BRIP1: variants seen among roughly 807,000 people sequenced by gnomAD.
BRIP1 encodes Fanconi anemia group J protein.
In BRIP1, 88 loss-of-function variants were observed where a neutral mutation model predicts 119.7. That is an observed-to-expected ratio of 0.74 (90% CI 0.62 to 0.88). The LOEUF (loss-of-function observed/expected upper bound fraction) is 0.88, where lower values mean the gene tolerates loss of function less well. Among genes scored for constraint, BRIP1 ranks in the 40% least tolerant of loss-of-function variants. BRIP1 has a pLI of 0.00. For missense variants in BRIP1, 1,259 were observed against 1,455.4 expected (o/e 0.87, Z 2.20); for synonymous variants, 443 against 496.5 (o/e 0.89, Z 1.43).
In BRIP1 at chr17:61,708,512, G is replaced by A. The variant is rs1390507860; in HGVS notation, c.2492+7439C>T. 1.3e-5 allele frequency among the ~76,000 whole-genome samples: 2 copies of A among 152,204 alleles called. No homozygotes were observed. The highest frequency in any genetic ancestry group is 2.9e-5 in the Non-Finnish European group (2 of 68,044). On this transcript the variant is annotated intron_variant, in intron 17 of 19. Transcript: ENST00000259008. The surrounding 1 kb of genome is among the most constrained non-coding windows in gnomAD (Gnocchi z 4.4). ...CTTCTGTGGATAAGGAGAGACTACT[G>A]TACTGTCTGGCCCTTTATAGAAAAC...
rs2077130295 is a variant in BRIP1 at position 61,751,470 on chromosome 17, T to C, written c.2098-6879A>G. On this transcript the variant is annotated intron_variant, in intron 14 of 19. Coordinates refer to ENST00000259008, the MANE Select transcript of BRIP1 (RefSeq NM_032043.3). This position sits in a 1 kb window ranked among gnomAD's most constrained non-coding sequence, Gnocchi z 6.7. ...ACTAAGTTGTACACTTAAAAATGCTTAAAAGGTAAATTTTATGTCATGTGT... is the reference window on the plus strand; with the variant it reads ...ACTAAGTTGTACACTTAAAAATGCTCAAAAGGTAAATTTTATGTCATGTGT... Among the ~76,000 whole-genome samples, 1 of 152,152 alleles carries C rather than the reference T, an allele frequency of 6.6e-6. No individual in the cohort carries two copies. The highest frequency in any genetic ancestry group is 6.5e-5 in the Admixed American group (1 of 15,270).
rs979447670 is a variant in BRIP1 at position 61,760,280 on chromosome 17, C to A, written c.2098-15689G>T. On this transcript the variant is annotated intron_variant, in intron 14 of 19. Transcript: ENST00000259008. This position sits in a 1 kb window ranked among gnomAD's most constrained non-coding sequence, Gnocchi z 4.6. ...AAAATGGAAACACAACATACCAAAA[C>A]TTAAGGGATGCAGCAAACGTAGTCC... Among the ~76,000 whole-genome samples the A allele has an allele frequency of 6.6e-6, 1 of 151,712 alleles. No individual in the cohort carries two copies. The highest frequency in any genetic ancestry group is 1.5e-5 in the Non-Finnish European group (1 of 67,824).
At position 61,760,371 on chromosome 17, in the gene BRIP1, C is replaced by G. The variant is rs568675150; in HGVS notation, c.2098-15780G>C. Among the ~76,000 whole-genome samples, 2 of 151,818 alleles carry G rather than the reference C, an allele frequency of 1.3e-5. No homozygotes were observed. Among genetic ancestry groups the G allele is most frequent in the South Asian group, 4.1e-4 (2 of 4,820 alleles). On this transcript the variant is annotated intron_variant, in intron 14 of 19. Transcript: ENST00000259008. The surrounding 1 kb of genome is among the most constrained non-coding windows in gnomAD (Gnocchi z 4.6). ...AGAAGATCCCAAATAAATAACATTACTCCTCAAGGATCTAGAAAAAGAAGA... is the reference window on the plus strand; with the variant it reads ...AGAAGATCCCAAATAAATAACATTAGTCCTCAAGGATCTAGAAAAAGAAGA...
intron 16 of BRIP1, among the ~76,000 whole-genome samples, chr17:61,731,100 GA>G (rs971774526): frequency 2.0e-5 from 3 of 150,876 alleles, no homozygotes; most frequent in Admixed American, 2.0e-4. Flanking sequence ...AAAAGCTGGG[GA>G]AAAAAATACT....
chr17:61,804,954 CTGTGTGTGTGTGTGTGTGTG>C lies in BRIP1; in HGVS notation c.918+3493_919-3481del, dbSNP rs59414906. Among the ~76,000 whole-genome samples the C allele has an allele frequency of 7.2e-5, 10 of 139,150 alleles. No homozygotes were observed. Among genetic ancestry groups the C allele is most frequent in the Admixed American group, 2.2e-4 (3 of 13,840 alleles). 91.3% of individuals were successfully genotyped at this position (139,150 alleles called of 152,430 possible). On this transcript the variant is annotated intron_variant, in intron 7 of 19. Coordinates refer to ENST00000259008, the MANE Select transcript of BRIP1 (RefSeq NM_032043.3). The surrounding 1 kb of genome is among the most constrained non-coding windows in gnomAD (Gnocchi z 4.5). ...GGCAGGATGAAATGTCTCTCTCTTT[CTGTGTGTGTGTGTGTGTGTG>C]TGTGTGTGTGTGTGTGTGTGTGTGT...
intron 17 of BRIP1, among the ~76,000 whole-genome samples, chr17:61,697,812 AT>A (rs377661269): frequency 3.1e-3 from 440 of 142,440 alleles, no homozygotes; most frequent in African/African-American, 5.6e-3. Flanking sequence ...TGTTTACAGT[AT>A]TTTTTTTTTT....
chr17:61,797,336 T>A (rs796342264), intron 9 of BRIP1, among the ~76,000 whole-genome samples: 31 of 151,614 alleles, frequency 2.0e-4, no homozygotes, highest in African/African-American at 7.3e-4. Context: ...AGGAGGAAAA[T>A]CAGAGATGTC....
rs73332544 is a variant in BRIP1, at chr17:61,847,785, C to T, written c.508-565G>A. Among the ~76,000 whole-genome samples, 434 of 152,230 alleles carry T rather than the reference C, an allele frequency of 2.9e-3. 3 individuals are homozygous for T. The highest frequency in any genetic ancestry group is 9.9e-3 in the African/African-American group (413 of 41,538). On this transcript the variant is annotated intron_variant, in intron 5 of 19. Transcript: ENST00000259008. ...CTTTCCAAACTGTATCCATGCTTTT[C>T]CTATTTGTGAAAAATCTATTCACTA...
chr17:61,738,238 T>C lies in BRIP1; in HGVS notation c.2379+4775A>G, dbSNP rs892386529. Among the ~76,000 whole-genome samples, 2 of 152,184 alleles carry C rather than the reference T, an allele frequency of 1.3e-5. No homozygotes were observed. The highest frequency in any genetic ancestry group is 4.8e-5 in the African/African-American group (2 of 41,454). On this transcript the variant is annotated intron_variant, in intron 16 of 19. Transcript: ENST00000259008. This position sits in a 1 kb window ranked among gnomAD's most constrained non-coding sequence, Gnocchi z 4.2. Reference sequence around the variant, plus strand: ...GAGATGTATGACCTGTAATAAATGATTGCTGTTTTAAGTCACTAAGTTTTG... The same window carrying C: ...GAGATGTATGACCTGTAATAAATGACTGCTGTTTTAAGTCACTAAGTTTTG...
In BRIP1 at chr17:61,799,091, T is replaced by C. The variant is rs376487588; in HGVS notation, c.1340+9A>G. 1.2e-6 allele frequency: 2 copies of C among 1,607,270 alleles called. No individual in the cohort carries two copies. Among genetic ancestry groups the C allele is most frequent in the Non-Finnish European group, 1.7e-6 (2 of 1,174,100 alleles). On this transcript the variant is annotated intron_variant, in intron 9 of 19. Coordinates refer to ENST00000259008, the MANE Select transcript of BRIP1 (RefSeq NM_032043.3). This position sits in a 1 kb window ranked among gnomAD's most constrained non-coding sequence, Gnocchi z 5.1. ...CAGCACAAATACACTAATAGACAAA[T>C]CTTCTTACTTAATGAGGCTACAGCA...
intron 6 of BRIP1, among the ~76,000 whole-genome samples, chr17:61,811,546 C>T (rs975168546): frequency 2.0e-5 from 3 of 151,786 alleles, no homozygotes; most frequent in Non-Finnish European, 4.4e-5. Flanking sequence ...TCAATAGGTA[C>T]TTAGGCAAGT....
In BRIP1 at chr17:61,835,766, G is replaced by A. The variant is rs963483728; in HGVS notation, c.627+11335C>T. ...AAGTACATATAACAATTTAGTACAT[G>A]ATAACAGCAAAACTTCAAAACTGGA... On this transcript the variant is annotated intron_variant, in intron 6 of 19. Coordinates refer to ENST00000259008, the MANE Select transcript of BRIP1 (RefSeq NM_032043.3). Among the ~76,000 whole-genome samples the A allele has an allele frequency of 1.1e-4, 17 of 151,874 alleles. 1 individual carries two copies. The highest frequency in any genetic ancestry group is 4.1e-4 in the African/African-American group (17 of 41,400).
rs1464430526 is a variant in BRIP1, at chr17:61,689,618, A to G, written c.2576-3453T>C. Among the ~76,000 whole-genome samples the G allele has an allele frequency of 6.6e-6, 1 of 152,204 alleles. No homozygotes were observed. The highest frequency in any genetic ancestry group is 1.5e-5 in the Non-Finnish European group (1 of 68,036). On this transcript the variant is annotated intron_variant, in intron 18 of 19. Coordinates refer to ENST00000259008, the MANE Select transcript of BRIP1 (RefSeq NM_032043.3). The surrounding 1 kb of genome is among the most constrained non-coding windows in gnomAD (Gnocchi z 4.5). ...AGGATGAACCCAAAAGTCTGTACCA[A>G]AACACTTTATAATCAAAGTGTCAAA...
rs1603276502 is a variant in BRIP1 at position 61,685,834 on chromosome 17, A to T, written c.2905+2T>A. On this transcript the variant is annotated splice_donor_variant, in intron 19 of 19. Transcript: ENST00000259008. LOFTEE classifies it high-confidence loss of function. ...AAGGTAAATGGGAAGAACTTTTCAT[A>T]CTTTTCTCCTTTCTGGAGATAATGC... 6.2e-7 allele frequency: 1 copy of T among 1,603,278 alleles called. No homozygotes were observed. Among genetic ancestry groups the T allele is most frequent in the Non-Finnish European group, 8.5e-7 (1 of 1,171,430 alleles).
chr17:61,730,683 T>A lies in BRIP1; in HGVS notation c.2379+12330A>T, dbSNP rs1417984388. On this transcript the variant is annotated intron_variant, in intron 16 of 19. Coordinates refer to ENST00000259008, the MANE Select transcript of BRIP1 (RefSeq NM_032043.3). The surrounding 1 kb of genome is among the most constrained non-coding windows in gnomAD (Gnocchi z 4.3). Reference sequence around the variant, plus strand: ...TTATCCAGAGAAACTTCCAGCAATATTTTCAGGCATGGCTTTATGTATTTA... The same window carrying A: ...TTATCCAGAGAAACTTCCAGCAATAATTTCAGGCATGGCTTTATGTATTTA... Among the ~76,000 whole-genome samples the A allele has an allele frequency of 6.6e-6, 1 of 152,182 alleles. No individual in the cohort carries two copies. Among genetic ancestry groups the A allele is most frequent in the Non-Finnish European group, 1.5e-5 (1 of 68,028 alleles).
In BRIP1 at chr17:61,810,093, A is replaced by G. The variant is rs2078139289; in HGVS notation, c.628-1336T>C. On this transcript the variant is annotated intron_variant, in intron 6 of 19. Transcript: ENST00000259008. This position sits in a 1 kb window ranked among gnomAD's most constrained non-coding sequence, Gnocchi z 4.7. ...AAATAAACAGTCAGTCAAAGCAGAT[A>G]AAGTTACAGCCATGCTGGAATTGTT... Among the ~76,000 whole-genome samples the G allele has an allele frequency of 6.6e-6, 1 of 152,252 alleles. No homozygotes were observed. The highest frequency in any genetic ancestry group is 2.4e-5 in the African/African-American group (1 of 41,478).
rs1181487727 is a variant in BRIP1, at chr17:61,693,170, A to C, written c.2575+260T>G. The stretch of plus-strand genomic sequence containing the variant: ...TGAGGTATCCAAAACAGTCAAACTA[A>C]TAGAAGCAGAAAGTATAGCGGTGGT... On this transcript the variant is annotated intron_variant, in intron 18 of 19. Transcript: ENST00000259008. This position sits in a 1 kb window ranked among gnomAD's most constrained non-coding sequence, Gnocchi z 4.2. Among the ~76,000 whole-genome samples, 1 of 152,188 alleles carries C rather than the reference A, an allele frequency of 6.6e-6. No homozygotes were observed. Among genetic ancestry groups the C allele is most frequent in the Non-Finnish European group, 1.5e-5 (1 of 68,018 alleles).
Position 61,780,413 on chromosome 17 carries a change from C to G in BRIP1, c.1795-12G>C, listed in dbSNP as rs762289143. On this transcript the variant is annotated splice_polypyrimidine_tract_variant and intron_variant, in intron 12 of 19. Transcript: ENST00000259008. This position sits in a 1 kb window ranked among gnomAD's most constrained non-coding sequence, Gnocchi z 5.4. ...ATATCTGAAAAGGCCTAAAAGAAAA[C>G]AACATTAGATAAATAAAATTATCTT... 6.2e-7 allele frequency: 1 copy of G among 1,601,620 alleles called. No homozygotes were observed. The highest frequency in any genetic ancestry group is 8.6e-7 in the Non-Finnish European group (1 of 1,168,892).
chr17:61,700,567 T>C lies in BRIP1; in HGVS notation c.2493-7055A>G, dbSNP rs1215331886. 6.6e-6 allele frequency among the ~76,000 whole-genome samples: 1 copy of C among 152,206 alleles called. No individual in the cohort carries two copies. Among genetic ancestry groups the C allele is most frequent in the East Asian group, 1.9e-4 (1 of 5,198 alleles). ...TGTTTTGTATATGATGAGTTATTTC[T>C]CTCTTGCCGCTTTCTAGATTCTGTC... On this transcript the variant is annotated intron_variant, in intron 17 of 19. Coordinates refer to ENST00000259008, the MANE Select transcript of BRIP1 (RefSeq NM_032043.3). The surrounding 1 kb of genome is among the most constrained non-coding windows in gnomAD (Gnocchi z 4.1).
Sources: allele counts gnomAD v4.1 joint callset (sites outside exome capture counted in the v4.1 genomes callset), GRCh38; gene constraint gnomAD v4.1.1; non-coding constraint Gnocchi (gnomAD v3.1); transcripts MANE v1.5; gene names NCBI Gene and HGNC (gene_info 2026-07-23, HGNC 2026-07-21).